The following SLC39A11 variants were observed in gnomAD, a reference collection of about 807,000 sequenced individuals.
The protein encoded by SLC39A11 is solute carrier family 39 member 11.
A neutral mutation model predicts 36.1 loss-of-function variants in SLC39A11; 33 were observed. The observed-to-expected ratio is 0.91, with a 90% CI of 0.69 to 1.22. SLC39A11 has a LOEUF of 1.22. Among genes scored for constraint, SLC39A11 ranks in the 50% most tolerant of loss-of-function variants. The pLI is 0.00. For synonymous variants in SLC39A11, 166 were observed against 170.3 expected, an observed-to-expected ratio of 0.97 and a Z score of 0.20; for missense variants, 432 against 430.3, an observed-to-expected ratio of 1.00 and a Z score of -0.03.
intron 6 of SLC39A11, among the ~76,000 whole-genome samples, chr17:72,771,260 G>A (rs965295859): frequency 2.6e-5 from 4 of 151,194 alleles, no homozygotes; most frequent in African/African-American, 9.7e-5. Flanking sequence ...GGCGATGCCT[G>A]TAATCCCAGC....
chr17:72,945,785 G>A (rs1009125216), intron 5 of SLC39A11, among the ~76,000 whole-genome samples: 1 of 152,164 alleles, frequency 6.6e-6, no homozygotes, highest in Non-Finnish European at 1.5e-5. Flanking sequence ...GCAGTACCCA[G>A]AGGCTGTCCT....
chr17:72,961,038 G>A (rs2086576766), intron 4 of SLC39A11, among the ~76,000 whole-genome samples: 1 of 152,192 alleles, frequency 6.6e-6, no homozygotes, highest in Non-Finnish European at 1.5e-5. Context: ...GAGAGAGAGT[G>A]TGTGCACAAA....
chr17:73,078,327 T>C (rs2060395525), intron 3 of SLC39A11, among the ~76,000 whole-genome samples: 1 of 152,040 alleles, frequency 6.6e-6, no homozygotes, highest in Non-Finnish European at 1.5e-5. Flanking sequence ...TGTCTCCAGT[T>C]TAAATAGTTG....
rs527417968 is a variant in SLC39A11 at position 72,690,230 on chromosome 17, C to T, written c.672-40962G>A. ...GCAGGACTTCCTGAAACTTTGAAGG[C>T]ATGTGCCTGTGTTGGTGTTGGGATC... On this transcript the variant is annotated intron_variant, in intron 7 of 9. Coordinates refer to ENST00000255559, the MANE Select transcript of SLC39A11 (RefSeq NM_139177.4). 7.9e-5 allele frequency among the ~76,000 whole-genome samples: 12 copies of T among 152,328 alleles called. No homozygotes were observed. In the East Asian group the frequency reaches 2.3e-3, roughly 29 times the overall value.
chr17:73,022,804 G>C (rs2058396630), intron 4 of SLC39A11, among the ~76,000 whole-genome samples: 2 of 151,962 alleles, frequency 1.3e-5, no homozygotes, highest in African/African-American at 4.8e-5. Context: ...GAATACATTT[G>C]GTACCCAGGA....
chr17:72,909,083 G>C (rs1340405478), intron 5 of SLC39A11, among the ~76,000 whole-genome samples: 1 of 152,210 alleles, frequency 6.6e-6, no homozygotes, highest in African/African-American at 2.4e-5. Flanking sequence ...TTGCCTCAGA[G>C]TGCATTCTGG....
intron 5 of SLC39A11, among the ~76,000 whole-genome samples, chr17:72,911,004 C>T (rs990058770): frequency 6.6e-6 from 1 of 151,922 alleles, no homozygotes; most frequent in Non-Finnish European, 1.5e-5. Context: ...TGCCCAGAAC[C>T]TCCGTGGGAC....
intron 6 of SLC39A11, among the ~76,000 whole-genome samples, chr17:72,830,199 T>A (rs2078220010): frequency 6.6e-6 from 1 of 152,178 alleles, no homozygotes; most frequent in Non-Finnish European, 1.5e-5. Flanking sequence ...AACTCCCCAC[T>A]GGGAAGGAGC....
At chr17:72,751,014 A>C (rs1203394731) in intron 6 of SLC39A11, among the ~76,000 whole-genome samples, 2 of 152,224 alleles carry the variant, frequency 1.3e-5, no homozygotes, top group Non-Finnish European at 2.9e-5. Context: ...TGGGAGGCCA[A>C]GGCGGGAGGA....
chr17:73,030,525 C>T (rs1179740547), intron 4 of SLC39A11, among the ~76,000 whole-genome samples: 2 of 152,232 alleles, frequency 1.3e-5, no homozygotes. Context: ...TACATGACCA[C>T]TGACTCCAGT....
chr17:72,735,310 A>G (rs903538194), intron 7 of SLC39A11, among the ~76,000 whole-genome samples: 4 of 152,180 alleles, frequency 2.6e-5, no homozygotes, highest in African/African-American at 7.2e-5. Context: ...CTGGGGAAAC[A>G]GATGCAAGGA....
chr17:72,958,990 G>T (rs1178794862), intron 4 of SLC39A11, among the ~76,000 whole-genome samples: 1 of 151,818 alleles, frequency 6.6e-6, no homozygotes, highest in Non-Finnish European at 1.5e-5. Flanking sequence ...CTGCAAGAAT[G>T]ACCATAATAA....
intron 8 of SLC39A11, 92 bp from the exon 9 acceptor site, chr17:72,649,053 T>G (rs967744032): frequency 2.7e-5 from 42 of 1,547,252 alleles, no homozygotes; most frequent in Non-Finnish European, 3.6e-5. Context: ...AGCACATGGA[T>G]GCATGCCATT....
At chr17:72,667,634 A>G (rs1249269817) in intron 7 of SLC39A11, among the ~76,000 whole-genome samples, 1 of 152,128 alleles carries the variant, frequency 6.6e-6, no homozygotes, top group Non-Finnish European at 1.5e-5. Context: ...TGCTATGAAG[A>G]TGGTGGGCAA....
intron 4 of SLC39A11, 38 bp from the exon 5 acceptor site, chr17:72,947,913 A>G: frequency 6.2e-7 from 1 of 1,608,746 alleles, no homozygotes; most frequent in African/African-American, 1.3e-5. Context: ...GAGCACCACT[A>G]CTGTGTTAAT....
chr17:72,766,484 C>A (rs58632337), intron 6 of SLC39A11, among the ~76,000 whole-genome samples: 2,553 of 152,238 alleles, frequency 0.017, 66 homozygotes, highest in African/African-American at 0.057. Flanking sequence ...TCTGGCCATG[C>A]CTATCCTTCT....
At chr17:72,753,174 T>C (rs1261655346) in intron 6 of SLC39A11, among the ~76,000 whole-genome samples, 2 of 152,204 alleles carry the variant, frequency 1.3e-5, no homozygotes, top group African/African-American at 4.8e-5. Flanking sequence ...TTGAGATTCA[T>C]CAAGATATGT....
At chr17:72,780,307 T>A (rs904807821) in intron 6 of SLC39A11, among the ~76,000 whole-genome samples, 13 of 152,052 alleles carry the variant, frequency 8.5e-5, no homozygotes, top group Non-Finnish European at 4.4e-5. Context: ...CACCCTGGCC[T>A]CTCTTCTTGG....
chr17:72,669,254 C>T (rs8080713), intron 7 of SLC39A11, among the ~76,000 whole-genome samples: 35,130 of 151,986 alleles, frequency 0.23, 4,157 homozygotes, highest in South Asian at 0.32. Context: ...CACATTGGCA[C>T]GACACTATGA....
Sources: gnomAD v4.1 joint callset for allele counts (sites outside exome capture counted in the v4.1 genomes callset) on GRCh38, gnomAD v4.1.1 for gene constraint, MANE v1.5 for transcripts, NCBI Gene and HGNC (gene_info 2026-07-23, HGNC 2026-07-21) for gene names.